Variants in CCND2 observed in about 807,000 individuals in gnomAD.
CCND2 encodes the protein cyclin D2.
Under a neutral mutation model 30.2 loss-of-function variants are expected in CCND2, and 6 were observed. That is an observed-to-expected ratio of 0.20 (90% CI 0.11 to 0.39). The LOEUF (loss-of-function observed/expected upper bound fraction) is 0.39. Among genes scored for constraint, CCND2 ranks in the 10% least tolerant of loss-of-function variants. The pLI, the probability that CCND2 is intolerant of heterozygous loss-of-function variation, is 1.00. For synonymous variants in CCND2, 150 were observed against 153.1 expected, an observed-to-expected ratio of 0.98 and a Z score of 0.15; for missense variants, 235 against 373.4, an observed-to-expected ratio of 0.63 and a Z score of 3.06.
Position 4,274,320 on chromosome 12 carries a change from G to A in CCND2, c.195+85G>A, listed in dbSNP as rs1220510253. On this transcript the variant is annotated intron_variant, in intron 1 of 4. Coordinates refer to ENST00000261254, the MANE Select transcript of CCND2 (RefSeq NM_001759.4). The surrounding 1 kb of genome is among the most constrained non-coding windows in gnomAD (Gnocchi z 7.7). ...GCCGGAGCCCTAAACCTGGGAGAGG[G>A]CAATCCCCGCGCCGGCCTCCCGGCT... The A allele has an allele frequency of 5.6e-6, 8 of 1,422,186 alleles. No homozygotes were observed. In the Admixed American group the frequency reaches 9.7e-5, roughly 17 times the overall value. 88.1% of individuals were successfully genotyped at this position (1,422,186 alleles called of 1,614,324 possible). A position where few individuals can be genotyped will look rare whatever the true frequency, so the allele number is the denominator to read the frequency against.
Position 4,288,824 on chromosome 12 carries a change from G to A in CCND2, c.572-18G>A, listed in dbSNP as rs1864058240. ...AATTCGTTCTGTGCCCTGACCTTCT[G>A]CCTCTCATTCCTTGCAGACTTTAAG... On this transcript the variant is annotated intron_variant, in intron 3 of 4. Coordinates refer to ENST00000261254, the MANE Select transcript of CCND2 (RefSeq NM_001759.4). 1 of 1,601,436 alleles carries A rather than the reference G, an allele frequency of 6.2e-7. No individual in the cohort carries two copies. The highest frequency in any genetic ancestry group is 8.5e-7 in the Non-Finnish European group (1 of 1,172,872).
chr12:4,289,184 G>T (rs1346408909), intron 4 of CCND2, 194 bp downstream of exon 4: 1 of 123,620 alleles, frequency 8.1e-6, no homozygotes. Flanking sequence ...GGGAAAATAC[G>T]GAAGAAAACT....
chr12:4,298,589 T>C (rs1864205820), intron 4 of CCND2, among the ~76,000 whole-genome samples: 1 of 152,188 alleles, frequency 6.6e-6, no homozygotes, highest in Non-Finnish European at 1.5e-5. Flanking sequence ...CTTTTGGGCT[T>C]GGCAAAATAG....
In CCND2 at chr12:4,293,443, A is replaced by G. The variant is rs1179348353; in HGVS notation, c.720+4453A>G. On this transcript the variant is annotated intron_variant, in intron 4 of 4. Coordinates refer to ENST00000261254, the MANE Select transcript of CCND2 (RefSeq NM_001759.4). The surrounding 1 kb of genome is among the most constrained non-coding windows in gnomAD (Gnocchi z 4.9). ...ACAAAACTTTAGATTCAGGGGATCC[A>G]TGTGCGGTTTGTTACGTGGATATAT... Among the ~76,000 whole-genome samples the G allele has an allele frequency of 6.6e-6, 1 of 152,240 alleles. No individual in the cohort carries two copies. The highest frequency in any genetic ancestry group is 1.5e-5 in the Non-Finnish European group (1 of 68,044).
chr12:4,294,567 T>C (rs1165667257), intron 4 of CCND2, among the ~76,000 whole-genome samples: 1 of 152,160 alleles, frequency 6.6e-6, no homozygotes, highest in Non-Finnish European at 1.5e-5. Context: ...TCTTGGAGAT[T>C]CTCTGGTCTG....
Position 4,285,175 on chromosome 12 carries a change from G to C in CCND2, c.572-3667G>C, listed in dbSNP as rs3217837. 597 of 394,636 alleles carry C rather than the reference G, an allele frequency of 1.5e-3. 9 individuals carry two copies. Among genetic ancestry groups the C allele is most frequent in the African/African-American group, 0.012 (561 of 45,952 alleles). The allele number at this position is 394,636 out of a possible 1,614,324, so 24.4% of individuals were successfully genotyped here. ...AGAAGTCTGAATATTGTACGTTTTG[G>C]GGGGAGTCCTCCATGCTGCCTGGAA... On this transcript the variant is annotated intron_variant, in intron 3 of 4. Coordinates refer to ENST00000261254, the MANE Select transcript of CCND2 (RefSeq NM_001759.4). This position sits in a 1 kb window ranked among gnomAD's most constrained non-coding sequence, Gnocchi z 4.1.
chr12:4,279,992 A>C (rs11063072), intron 3 of CCND2, among the ~76,000 whole-genome samples: 1 of 151,380 alleles, frequency 6.6e-6, no homozygotes, highest in Non-Finnish European at 1.5e-5. Flanking sequence ...GATGTAGTGC[A>C]TATGCCCTGT....
In CCND2 at chr12:4,289,185, G is replaced by A. The variant is rs111383245; in HGVS notation, c.720+195G>A. 8.5e-4 allele frequency: 81 copies of A among 95,090 alleles called. 1 individual carries two copies. The highest frequency in any genetic ancestry group is 2.2e-3 in the Admixed American group (13 of 5,868). The allele number at this position is 95,090 out of a possible 1,614,324, so 5.9% of individuals were successfully genotyped here. A position where few individuals can be genotyped will look rare whatever the true frequency, so the allele number is the denominator to read the frequency against. The stretch of plus-strand genomic sequence containing the variant: ...GAAAAGCTGTGCACGGGAAAATACG[G>A]AAGAAAACTCAGCAAGCAGATGAAG... On this transcript the variant is annotated intron_variant, in intron 4 of 4. Transcript: ENST00000261254.
At chr12:4,290,925 A>G (rs1864092442) in intron 4 of CCND2, among the ~76,000 whole-genome samples, 2 of 152,290 alleles carry the variant, frequency 1.3e-5, no homozygotes, top group African/African-American at 4.8e-5. Context: ...TATAAATCCT[A>G]ACTGTTGGTC....
intron 2 of CCND2, 67 bp from the exon 3 acceptor site, chr12:4,278,693 A>G: frequency 6.4e-7 from 1 of 1,555,710 alleles, no homozygotes; most frequent in Non-Finnish European, 8.8e-7. Context: ...CCCAACCCCC[A>G]GCCCCCTACA....
intron 3 of CCND2, among the ~76,000 whole-genome samples, chr12:4,283,517 G>A (rs916648991): frequency 6.6e-6 from 1 of 152,252 alleles, no homozygotes; most frequent in Non-Finnish European, 1.5e-5. Flanking sequence ...ACATCAGCCA[G>A]ATCACTTCAT....
intron 4 of CCND2, among the ~76,000 whole-genome samples, chr12:4,295,774 C>CA (rs777128231): frequency 1.3e-5 from 2 of 152,124 alleles, no homozygotes; most frequent in African/African-American, 2.4e-5. Context: ...GACTCCGTCT[C>CA]AAAAAACAAA....
chr12:4,291,626 G>T (rs987892637), intron 4 of CCND2, among the ~76,000 whole-genome samples: 1 of 152,156 alleles, frequency 6.6e-6, no homozygotes, highest in Non-Finnish European at 1.5e-5. Context: ...AACCCTAAAT[G>T]CAGTAGGAAA....
Position 4,273,896 on chromosome 12 carries a change from C to A in CCND2, c.-145C>A. 1 of 748,130 alleles carries A rather than the reference C, an allele frequency of 1.3e-6. No individual in the cohort carries two copies. The highest frequency in any genetic ancestry group is 2.1e-6 in the Non-Finnish European group (1 of 468,494). 46.3% of individuals were successfully genotyped at this position (748,130 alleles called of 1,614,324 possible). ...CTTCTGCTCCACCTTCTCTCTCTGC[C>A]CTCACCTCTCCCCCGAAAACCCCCT... On this transcript the variant is annotated 5_prime_UTR_variant, in exon 1 of 5. Transcript: ENST00000261254. The surrounding 1 kb of genome is among the most constrained non-coding windows in gnomAD (Gnocchi z 5.9).
At position 4,302,411 on chromosome 12, in the gene CCND2, A is replaced by G. The variant is rs1157188811; in HGVS notation, c.*2402A>G. The stretch of plus-strand genomic sequence containing the variant: ...AGATCCTCATCTTGGAGCTTTTTCA[A>G]AAGCGGGGCTTCATCTGCAAAGGGC... On this transcript the variant is annotated 3_prime_UTR_variant, in exon 5 of 5. Coordinates refer to ENST00000261254, the MANE Select transcript of CCND2 (RefSeq NM_001759.4). The G allele has an allele frequency of 4.3e-6, 1 of 233,018 alleles. No individual in the cohort carries two copies. Among genetic ancestry groups the G allele is most frequent in the African/African-American group, 2.2e-5 (1 of 45,322 alleles). The allele number at this position is 233,018 out of a possible 1,614,324, so 14.4% of individuals were successfully genotyped here. A position where few individuals can be genotyped will look rare whatever the true frequency, so the allele number is the denominator to read the frequency against.
At chr12:4,283,554 T>C (rs1863981602) in intron 3 of CCND2, among the ~76,000 whole-genome samples, 1 of 152,252 alleles carries the variant, frequency 6.6e-6, no homozygotes, top group African/African-American at 2.4e-5. Flanking sequence ...GATTCACCTG[T>C]AAAAGGAGAT....
chr12:4,295,931 A>G (rs1013895322), intron 4 of CCND2, among the ~76,000 whole-genome samples: 4 of 152,224 alleles, frequency 2.6e-5, no homozygotes, highest in African/African-American at 7.2e-5. Context: ...TGGAACTTAC[A>G]TAAAACACTA....
At position 4,273,869 on chromosome 12, in the gene CCND2, C is replaced by G. The variant is rs1565430517; in HGVS notation, c.-172C>G. 3 of 659,110 alleles carry G rather than the reference C, an allele frequency of 4.6e-6. No homozygotes were observed. In the Admixed American group the frequency reaches 8.8e-5, roughly 19 times the overall value. The allele number at this position is 659,110 out of a possible 1,614,324, so 40.8% of individuals were successfully genotyped here. A position where few individuals can be genotyped will look rare whatever the true frequency, so the allele number is the denominator to read the frequency against. Reference sequence around the variant, plus strand: ...CTCGCCCACCACCCAATCCTCGCCTCCCTTCTGCTCCACCTTCTCTCTCTG... The same window carrying G: ...CTCGCCCACCACCCAATCCTCGCCTGCCTTCTGCTCCACCTTCTCTCTCTG... On this transcript the variant is annotated 5_prime_UTR_variant, in exon 1 of 5. Transcript: ENST00000261254. This position sits in a 1 kb window ranked among gnomAD's most constrained non-coding sequence, Gnocchi z 5.9.
intron 4 of CCND2, among the ~76,000 whole-genome samples, chr12:4,295,637 G>C (rs986940610): frequency 2.0e-5 from 3 of 152,116 alleles, no homozygotes; most frequent in African/African-American, 7.2e-5. Flanking sequence ...ATCAGCTGGG[G>C]GTGATGGCGT....
Sources: gnomAD v4.1 joint callset for allele counts (sites outside exome capture counted in the v4.1 genomes callset) on GRCh38, gnomAD v4.1.1 for gene constraint, Gnocchi (gnomAD v3.1) non-coding constraint, MANE v1.5 for transcripts, NCBI Gene and HGNC (gene_info 2026-07-23, HGNC 2026-07-21) for gene names.